The following GREM1 variants were observed in gnomAD, a reference collection of about 807,000 sequenced individuals.
GREM1 encodes the protein gremlin 1, DAN family BMP antagonist.
A neutral mutation model predicts 13.1 loss-of-function variants in GREM1; 6 were observed. The observed-to-expected ratio is 0.46, with a 90% CI of 0.25 to 0.91. GREM1 has a LOEUF of 0.91. Ranked by LOEUF, GREM1 falls within the 40% of genes least tolerant of loss-of-function variation. GREM1 has a pLI of 0.18. For synonymous variants in GREM1, 98 were observed against 93.7 expected (o/e 1.05, Z -0.27); for missense variants, 185 against 233.9 (o/e 0.79, Z 1.36).
chr15:32,721,126 A>G (rs2055398856), intron 1 of GREM1, among the ~76,000 whole-genome samples: 2 of 152,156 alleles, frequency 1.3e-5, no homozygotes, highest in African/African-American at 4.8e-5. Flanking sequence ...ATTGCATTCC[A>G]GCCTGGGCAA....
intron 1 of GREM1, among the ~76,000 whole-genome samples, chr15:32,729,004 T>G (rs2055563766): frequency 6.6e-6 from 1 of 152,018 alleles, no homozygotes; most frequent in South Asian, 2.1e-4. Flanking sequence ...TGTCTGCACT[T>G]TCTTTTTTTT....
rs76507954 is a variant in GREM1, at chr15:32,739,911, T to A, written c.*8666T>A. 1 of 152,222 alleles carries A rather than the reference T, an allele frequency of 6.6e-6. No individual in the cohort carries two copies. The allele number at this position is 152,222 out of a possible 1,614,324, so 9.4% of individuals were successfully genotyped here. On this transcript the variant is annotated 3_prime_UTR_variant, in exon 2 of 2. Transcript: ENST00000651154. The stretch of plus-strand genomic sequence containing the variant: ...TCCCAGAGGACTGGCTTCTATCTTG[T>A]CAGTCTTGGAGCTCTGACAGAATTG...
In GREM1 at chr15:32,732,870, C is replaced by T. The variant is rs1053866974; in HGVS notation, c.*1625C>T. The T allele has an allele frequency of 2.7e-5, 6 of 220,470 alleles. No homozygotes were observed. Among genetic ancestry groups the T allele is most frequent in the Non-Finnish European group, 6.0e-5 (6 of 100,722 alleles). 13.7% of individuals were successfully genotyped at this position (220,470 alleles called of 1,614,324 possible). On this transcript the variant is annotated 3_prime_UTR_variant, in exon 2 of 2. Transcript: ENST00000651154. Reference sequence around the variant, plus strand: ...GTTTTATATACAAACTCCCTGAATACTCTTTTTGCCTTGTATCTTCTCAGC... The same window carrying T: ...GTTTTATATACAAACTCCCTGAATATTCTTTTTGCCTTGTATCTTCTCAGC...
At chr15:32,719,934 A>T (rs1182717997) in intron 1 of GREM1, among the ~76,000 whole-genome samples, 4 of 152,130 alleles carry the variant, frequency 2.6e-5, no homozygotes, top group African/African-American at 9.7e-5. Context: ...GAAAGATCTT[A>T]AGAAAACTAT....
intron 1 of GREM1, chr15:32,718,457 C>T (rs999899587): frequency 8.5e-6 from 4 of 469,946 alleles, no homozygotes; most frequent in Non-Finnish European, 1.7e-5. Flanking sequence ...GAACACGCTC[C>T]TGGTGCTGGT....
Position 32,718,050 on chromosome 15 carries a change from G to A in GREM1, c.-113G>A. 1 of 1,165,122 alleles carries A rather than the reference G, an allele frequency of 8.6e-7. No individual in the cohort carries two copies. Among genetic ancestry groups the A allele is most frequent in the South Asian group, 2.1e-5 (1 of 46,752 alleles). 72.2% of individuals were successfully genotyped at this position (1,165,122 alleles called of 1,614,324 possible). On this transcript the variant is annotated 5_prime_UTR_variant, in exon 1 of 2. Coordinates refer to ENST00000651154, the MANE Select transcript of GREM1 (RefSeq NM_013372.7). ...CCGGGCGACCCAGTGCACGGCCGCC[G>A]CGTCACTCTCGGTCCCGCTGACCCC... is the stretch of plus-strand genomic sequence containing the variant.
At position 32,740,551 on chromosome 15, in the gene GREM1, A is replaced by T. The variant is rs2055752285; in HGVS notation, c.*9306A>T. The stretch of plus-strand genomic sequence containing the variant: ...TCATTGGAAATAATTCAGTTAGAGG[A>T]GAAATTAAAATGAAAAAGAGTGAAA... On this transcript the variant is annotated 3_prime_UTR_variant, in exon 2 of 2. Transcript: ENST00000651154. 6.6e-6 allele frequency: 1 copy of T among 152,202 alleles called. No individual in the cohort carries two copies. Among genetic ancestry groups the T allele is most frequent in the African/African-American group, 2.4e-5 (1 of 41,456 alleles). The allele number at this position is 152,202 out of a possible 1,614,324, so 9.4% of individuals were successfully genotyped here.
In GREM1 at chr15:32,744,849, G is replaced by A. The variant is rs1384567243; in HGVS notation, c.*13604G>A. 2.6e-5 allele frequency: 4 copies of A among 152,126 alleles called. No individual in the cohort carries two copies. Among genetic ancestry groups the A allele is most frequent in the Non-Finnish European group, 5.9e-5 (4 of 68,026 alleles). The allele number at this position is 152,126 out of a possible 1,614,324, so 9.4% of individuals were successfully genotyped here. ...ACAGAAATGAATGCTCTGTGCCACA[G>A]AAGGAGCTGTTGCACTATTCATTCC... On this transcript the variant is annotated 3_prime_UTR_variant, in exon 2 of 2. Coordinates refer to ENST00000651154, the MANE Select transcript of GREM1 (RefSeq NM_013372.7).
Position 32,738,083 on chromosome 15 carries a change from CAA to C in GREM1, c.*6887_*6888del, listed in dbSNP as rs67118209. The stretch of plus-strand genomic sequence containing the variant: ...GGAGGTTCTACCTAGGGTAATTAGG[CAA>C]AAAAAAAAAAAAAAAAAAAAAAAAA... On this transcript the variant is annotated 3_prime_UTR_variant, in exon 2 of 2. Coordinates refer to ENST00000651154, the MANE Select transcript of GREM1 (RefSeq NM_013372.7). The C allele has an allele frequency of 1.6e-4, 3 of 18,930 alleles. No individual in the cohort carries two copies. The highest frequency in any genetic ancestry group is 1.5e-3 in the Admixed American group (2 of 1,300). 1.2% of individuals were successfully genotyped at this position (18,930 alleles called of 1,614,324 possible).
intron 1 of GREM1, among the ~76,000 whole-genome samples, chr15:32,724,999 G>T (rs998119447): frequency 6.6e-6 from 1 of 151,986 alleles, no homozygotes; most frequent in African/African-American, 2.4e-5. Context: ...AGTATTCCAT[G>T]GTGTATATGT....
rs2055684822 is a variant in GREM1, at chr15:32,735,439, A to C, written c.*4194A>C. The C allele has an allele frequency of 6.6e-6, 1 of 152,186 alleles. No homozygotes were observed. Among genetic ancestry groups the C allele is most frequent in the Non-Finnish European group, 1.5e-5 (1 of 68,044 alleles). 9.4% of individuals were successfully genotyped at this position (152,186 alleles called of 1,614,324 possible). A position where few individuals can be genotyped will look rare whatever the true frequency, so the allele number is the denominator to read the frequency against. ...GGTCTTACTGTGGCACTGGGTCCTT[A>C]AACATTATGCAAAACTGTGAGCAAC... On this transcript the variant is annotated 3_prime_UTR_variant, in exon 2 of 2. Transcript: ENST00000651154.
Position 32,726,700 on chromosome 15 carries a change from C to T in GREM1, c.-1-3990C>T, listed in dbSNP as rs2879341. ...AAAAACCCTTCAAAAAATCAATGAACCCAGGAGCTGTTTTTTTTTTTTTTT... is the reference window on the plus strand; with the variant it reads ...AAAAACCCTTCAAAAAATCAATGAATCCAGGAGCTGTTTTTTTTTTTTTTT... On this transcript the variant is annotated intron_variant, in intron 1 of 1. Transcript: ENST00000651154. 0.46 allele frequency among the ~76,000 whole-genome samples: 63,305 copies of T among 137,300 alleles called. 13,530 individuals are homozygous for T. The highest frequency in any genetic ancestry group is 0.52 in the South Asian group (2,102 of 4,078). 90.1% of individuals were successfully genotyped at this position (137,300 alleles called of 152,430 possible).
At chr15:32,730,343 A>G (rs1447914231) in intron 1 of GREM1, among the ~76,000 whole-genome samples, 1 of 152,106 alleles carries the variant, frequency 6.6e-6, no homozygotes, top group Non-Finnish European at 1.5e-5. Context: ...AACAAAATAG[A>G]AAATAAGTTC....
At position 32,718,039 on chromosome 15, in the gene GREM1, G is replaced by A; in HGVS notation, c.-124G>A. 8.6e-7 allele frequency: 1 copy of A among 1,159,024 alleles called. No homozygotes were observed. Among genetic ancestry groups the A allele is most frequent in the Non-Finnish European group, 1.1e-6 (1 of 934,696 alleles). The allele number at this position is 1,159,024 out of a possible 1,614,324, so 71.8% of individuals were successfully genotyped here. On this transcript the variant is annotated 5_prime_UTR_variant, in exon 1 of 2. Transcript: ENST00000651154. The stretch of plus-strand genomic sequence containing the variant: ...CCTTCCGCGGACCGGGCGACCCAGT[G>A]CACGGCCGCCGCGTCACTCTCGGTC...
In GREM1 at chr15:32,741,136, G is replaced by T. The variant is rs575411252; in HGVS notation, c.*9891G>T. ...TTTAATGTTTTTTGTTCACTGTGGT[G>T]TAGTAATAAATGTCTATACTTAAGG... On this transcript the variant is annotated 3_prime_UTR_variant, in exon 2 of 2. Transcript: ENST00000651154. 6.6e-6 allele frequency: 1 copy of T among 152,184 alleles called. No homozygotes were observed. Among genetic ancestry groups the T allele is most frequent in the African/African-American group, 2.4e-5 (1 of 41,444 alleles). 9.4% of individuals were successfully genotyped at this position (152,184 alleles called of 1,614,324 possible).
Position 32,731,348 on chromosome 15 carries a change from G to A in GREM1, c.*103G>A. 1.1e-6 allele frequency: 1 copy of A among 896,876 alleles called. No individual in the cohort carries two copies. The highest frequency in any genetic ancestry group is 1.7e-6 in the Non-Finnish European group (1 of 582,250). 55.6% of individuals were successfully genotyped at this position (896,876 alleles called of 1,614,324 possible). On this transcript the variant is annotated 3_prime_UTR_variant, in exon 2 of 2. Transcript: ENST00000651154. ...CTTGGCTTAAACCTAGAGGCCAGAA[G>A]AACCCCCAGCTGCCTCCTGGCAGGA...
Position 32,733,672 on chromosome 15 carries a change from A to G in GREM1, c.*2427A>G. The G allele has an allele frequency of 4.4e-6, 1 of 226,748 alleles. No homozygotes were observed. The highest frequency in any genetic ancestry group is 9.6e-6 in the Non-Finnish European group (1 of 104,602). 14.0% of individuals were successfully genotyped at this position (226,748 alleles called of 1,614,324 possible). On this transcript the variant is annotated 3_prime_UTR_variant, in exon 2 of 2. Coordinates refer to ENST00000651154, the MANE Select transcript of GREM1 (RefSeq NM_013372.7). ...TCTTCCAACTTTCATTGAAAATGCCATATCTATACCATATTTTATTCGAGT... is the reference window on the plus strand; with the variant it reads ...TCTTCCAACTTTCATTGAAAATGCCGTATCTATACCATATTTTATTCGAGT...
rs1254981867 is a variant in GREM1 at position 32,739,264 on chromosome 15, T to TA, written c.*8020dup. The TA allele has an allele frequency of 6.6e-6, 1 of 152,212 alleles. No individual in the cohort carries two copies. Among genetic ancestry groups the TA allele is most frequent in the East Asian group, 1.9e-4 (1 of 5,200 alleles). 9.4% of individuals were successfully genotyped at this position (152,212 alleles called of 1,614,324 possible). On this transcript the variant is annotated 3_prime_UTR_variant, in exon 2 of 2. Transcript: ENST00000651154. ...TTCCATGCTTCACAGAAACTCTCCT[T>TA]ATACCCCACCTCAATTTTAATCTTT... is the stretch of plus-strand genomic sequence containing the variant.
intron 1 of GREM1, among the ~76,000 whole-genome samples, chr15:32,722,788 A>G (rs2140672282): frequency 6.6e-6 from 1 of 152,312 alleles, no homozygotes; most frequent in Admixed American, 6.5e-5. Flanking sequence ...GGCAAAGAGA[A>G]AAAAAGGTGG....
Sources: gnomAD v4.1 joint callset for allele counts (sites outside exome capture counted in the v4.1 genomes callset) on GRCh38, gnomAD v4.1.1 for gene constraint, MANE v1.5 for transcripts, NCBI Gene and HGNC (gene_info 2026-07-23, HGNC 2026-07-21) for gene names.